The following DOCK5 variants were observed in gnomAD, a reference collection of about 807,000 sequenced individuals.
The protein encoded by DOCK5 is dedicator of cytokinesis 5.
DOCK5 carries 142 observed loss-of-function variants against 251.8 expected under a neutral mutation model. That is an observed-to-expected ratio of 0.56 (90% CI 0.49 to 0.65). The LOEUF is 0.65. Among genes scored for constraint, DOCK5 ranks in the 30% least tolerant of loss-of-function variants. The pLI, the probability that DOCK5 is intolerant of heterozygous loss-of-function variation, is 0.00. For missense variants in DOCK5, 2,111 were observed against 2,312.3 expected, an observed-to-expected ratio of 0.91 and a Z score of 1.79; for synonymous variants, 842 against 835.5, an observed-to-expected ratio of 1.01 and a Z score of -0.13.
chr8:25,254,027 C>G (rs1389388418), intron 2 of DOCK5, among the ~76,000 whole-genome samples: 1 of 152,152 alleles, frequency 6.6e-6, no homozygotes, highest in Non-Finnish European at 1.5e-5. Context: ...GTGGTATTGG[C>G]AGAACACTAG....
chr8:25,268,157 G>A (rs752013743), intron 2 of DOCK5, among the ~76,000 whole-genome samples: 29 of 151,978 alleles, frequency 1.9e-4, no homozygotes, highest in South Asian at 2.1e-4. Flanking sequence ...CACCGTGCCC[G>A]GCTGGAATTT....
At chr8:25,297,188 G>C (rs923309748) in intron 7 of DOCK5, among the ~76,000 whole-genome samples, 2 of 151,982 alleles carry the variant, frequency 1.3e-5, no homozygotes, top group Admixed American at 1.3e-4. Context: ...TCTGCTTCCC[G>C]GGTTCAAGCA....
intron 40 of DOCK5, among the ~76,000 whole-genome samples, chr8:25,386,141 CA>C (rs2117311039): frequency 6.6e-6 from 1 of 152,214 alleles, no homozygotes; most frequent in African/African-American, 2.4e-5. Context: ...TTGGAACATC[CA>C]AAAGGCACAA....
chr8:25,369,104 C>G (rs1463300298), intron 33 of DOCK5, among the ~76,000 whole-genome samples: 1 of 152,210 alleles, frequency 6.6e-6, no homozygotes, highest in Non-Finnish European at 1.5e-5. Context: ...ATCCATTACT[C>G]TGTAGCTTTG....
At position 25,252,932 on chromosome 8, in the gene DOCK5, A is replaced by C. The variant is rs960255512; in HGVS notation, c.127+9175A>C. 1.1e-4 allele frequency among the ~76,000 whole-genome samples: 17 copies of C among 152,260 alleles called. No homozygotes were observed. In the South Asian group the frequency reaches 1.2e-3, roughly 11 times the overall value. ...CTACAACCTCTGCCTGCTGGGTTCA[A>C]GTGATTTTCATGCCTCAGCCTCCCG... On this transcript the variant is annotated intron_variant, in intron 2 of 51. Transcript: ENST00000276440.
At chr8:25,405,002 T>C (rs1276972048) in intron 48 of DOCK5, among the ~76,000 whole-genome samples, 2 of 152,182 alleles carry the variant, frequency 1.3e-5, no homozygotes, top group African/African-American at 4.8e-5. Flanking sequence ...TTGAACATCT[T>C]TTCATTTGTT....
intron 12 of DOCK5, 125 bp from the exon 13 acceptor site, chr8:25,310,282 G>T: frequency 1.1e-6 from 1 of 950,822 alleles, no homozygotes. Flanking sequence ...TAAGTCAACT[G>T]GGGGAGAATT....
intron 14 of DOCK5, among the ~76,000 whole-genome samples, chr8:25,319,327 C>T (rs1261870986): frequency 1.3e-5 from 2 of 152,140 alleles, no homozygotes; most frequent in Non-Finnish European, 2.9e-5. Flanking sequence ...ATACAAGTTA[C>T]AGGAAAGAAG....
At chr8:25,331,049 C>T (rs1805669860) in intron 18 of DOCK5, among the ~76,000 whole-genome samples, 1 of 152,020 alleles carries the variant, frequency 6.6e-6, no homozygotes, top group Admixed American at 6.6e-5. Context: ...TGTGATTGCA[C>T]CACTGCATGA....
chr8:25,354,925 C>T (rs1425476634), intron 27 of DOCK5, among the ~76,000 whole-genome samples: 2 of 152,076 alleles, frequency 1.3e-5, no homozygotes, highest in South Asian at 2.1e-4. Flanking sequence ...ACTCAATGGT[C>T]GTTAAAAAAG....
chr8:25,329,561 T>TA (rs1370804816), intron 18 of DOCK5, among the ~76,000 whole-genome samples: 1 of 152,196 alleles, frequency 6.6e-6, no homozygotes, highest in Non-Finnish European at 1.5e-5. Flanking sequence ...CCTGAATTCT[T>TA]ACACATTTCT....
intron 13 of DOCK5, among the ~76,000 whole-genome samples, chr8:25,315,587 T>G (rs1805223943): frequency 6.6e-6 from 1 of 152,252 alleles, no homozygotes; most frequent in South Asian, 2.1e-4. Flanking sequence ...TTCAACTAAT[T>G]CCCTGTGCTT....
chr8:25,408,908 C>G lies in DOCK5; in HGVS notation c.5372C>G (p.Pro1791Arg). Residue 1791 changes from proline to arginine, a missense_variant, in exon 50 of 52, where the codon CCT (proline) becomes CGT (arginine). Pro to Arg is a moderately radical substitution (Grantham distance 103, BLOSUM62 -2). Around this residue, in one of 3 missense-constraint regions of DOCK5, gnomAD observed 1,717 missense variants for 1,892.4 expected, o/e 0.91. Transcript: ENST00000276440. ...SPPQSTPLSPPPLTPKATRTL... is the reference protein window; with the variant it reads ...SPPQSTPLSPRPLTPKATRTL... ...CCTCAGTCAACACCCTTGAGCCCAC[C>G]TCCACTCACTCCCAAAGCCACCAGG... 1 of 1,613,970 alleles carries G rather than the reference C, an allele frequency of 6.2e-7. No individual in the cohort carries two copies. Among genetic ancestry groups the G allele is most frequent in the Non-Finnish European group, 8.5e-7 (1 of 1,179,888 alleles).
chr8:25,333,032 G>C (rs1368275684), intron 20 of DOCK5, among the ~76,000 whole-genome samples: 2 of 152,188 alleles, frequency 1.3e-5, no homozygotes, highest in Non-Finnish European at 2.9e-5. Flanking sequence ...GCACTGGTGT[G>C]TTTATGCAAG....
chr8:25,235,799 CTTTTTTTT>C (rs924321586), intron 1 of DOCK5, among the ~76,000 whole-genome samples: 50 of 128,604 alleles, frequency 3.9e-4, no homozygotes, highest in Admixed American at 3.4e-4. Flanking sequence ...TTTTCTTTTC[CTTTTTTTT>C]TTTTTTTTTT....
At chr8:25,335,091 C>T (rs1389411059) in intron 21 of DOCK5, among the ~76,000 whole-genome samples, 2 of 152,200 alleles carry the variant, frequency 1.3e-5, no homozygotes, top group Non-Finnish European at 2.9e-5. Flanking sequence ...GCCTGCCACA[C>T]CCACCCGTTG....
chr8:25,352,869 G>A (rs1800495256), intron 27 of DOCK5, among the ~76,000 whole-genome samples: 1 of 152,046 alleles, frequency 6.6e-6, no homozygotes. Context: ...AGGGTGGGGA[G>A]TCACACCTTT....
Position 25,389,243 on chromosome 8 carries a change from C to T in DOCK5, c.4273+11C>T, listed in dbSNP as rs764239738. 1.7e-5 allele frequency: 27 copies of T among 1,611,296 alleles called. No individual in the cohort carries two copies. In the South Asian group the frequency reaches 2.4e-4, roughly 14 times the overall value. On this transcript the variant is annotated intron_variant, in intron 41 of 51. Coordinates refer to ENST00000276440, the MANE Select transcript of DOCK5 (RefSeq NM_024940.8). The stretch of plus-strand genomic sequence containing the variant: ...CGTCCCCCAAGCAGTGTATCCTTTC[C>T]GGGGGGAGTATGGCCCCGAGGCTCT...
intron 16 of DOCK5, among the ~76,000 whole-genome samples, chr8:25,323,594 A>G (rs971560393): frequency 3.3e-5 from 5 of 152,094 alleles, no homozygotes; most frequent in African/African-American, 1.2e-4. Flanking sequence ...TGGTGTCAAC[A>G]CCCACATTTC....
Sources: gnomAD v4.1 joint callset for allele counts (sites outside exome capture counted in the v4.1 genomes callset) on GRCh38, gnomAD v4.1.1 for gene constraint, gnomAD v4.1.1 regional missense constraint, MANE v1.5 for transcripts, NCBI Gene and HGNC (gene_info 2026-07-23, HGNC 2026-07-21) for gene names.